The following PNMA8B variants were observed in gnomAD, a reference collection of about 807,000 sequenced individuals.
PNMA8B encodes paraneoplastic antigen-like protein 8B.
For missense variants in PNMA8B, 887 were observed against 885.8 expected (o/e 1.00, Z -0.02); for synonymous variants, 386 against 394.9 (o/e 0.98, Z 0.27).
In PNMA8B at chr19:46,494,946, T is replaced by G; in HGVS notation, c.520A>C (p.Thr174Pro). The change falls in exon 1 of 1, where the codon ACC becomes CCC. Residue 174 changes from threonine to proline, a missense_variant. Thr to Pro is a conservative substitution (Grantham distance 38). Coordinates refer to ENST00000599531, the MANE Select transcript of PNMA8B (RefSeq NM_020709.3). ...CGGCTTCTCTTCTTGCCCTTCTGGG[T>G]CAACCTGTTGCGTCTGGTTCTGTTT... is the stretch of plus-strand genomic sequence containing the variant. ...RRNRTRRNRL[T>P]QKGKKRSRGG... is the part of the protein sequence containing the mutation. The G allele has an allele frequency of 6.2e-7, 1 of 1,610,062 alleles. No individual in the cohort carries two copies. The highest frequency in any genetic ancestry group is 1.6e-4 in the Middle Eastern group (1 of 6,062).
At position 46,493,337 on chromosome 19, in the gene PNMA8B, C is replaced by T. The variant is rs563117791; in HGVS notation, c.*221G>A. Reference sequence around the variant, plus strand: ...TGCCTCGGGCGCCCACTTCTCTTTCCTCCTCCCATCCGGGCTTCCTCCGTC... The same window carrying T: ...TGCCTCGGGCGCCCACTTCTCTTTCTTCCTCCCATCCGGGCTTCCTCCGTC... On this transcript the variant is annotated 3_prime_UTR_variant, in exon 1 of 1. Coordinates refer to ENST00000599531, the MANE Select transcript of PNMA8B (RefSeq NM_020709.3). The surrounding 1 kb of genome is among the most constrained non-coding windows in gnomAD (Gnocchi z 5.3). 7.5e-6 allele frequency: 3 copies of T among 398,904 alleles called. No homozygotes were observed. The highest frequency in any genetic ancestry group is 1.3e-5 in the Non-Finnish European group (3 of 227,290). 24.7% of individuals were successfully genotyped at this position (398,904 alleles called of 1,614,324 possible). A position where few individuals can be genotyped will look rare whatever the true frequency, so the allele number is the denominator to read the frequency against.
Position 46,494,599 on chromosome 19 carries a change from G to A in PNMA8B, c.867C>T (p.Val289=). The A allele has an allele frequency of 6.2e-7, 1 of 1,614,026 alleles. No individual in the cohort carries two copies. Among genetic ancestry groups the A allele is most frequent in the Non-Finnish European group, 8.5e-7 (1 of 1,179,888 alleles). Residue 289 remains valine, a synonymous_variant, in exon 1 of 1, where the codon GTC becomes GTT. Transcript: ENST00000599531. ...CAGCCAGCAGGGCCACTAAGTCGGG[G>A]ACACCATTTTTGTCTTCTTTGGTGT... The part of the protein sequence containing the change: ...RLNTKEDKNG[V]PDLVALLAVR...
rs749025201 is a variant in PNMA8B at position 46,494,269 on chromosome 19, G to C, written c.1197C>G (p.Ala399=). ...KVEEAGREVD[A]VVLRKAGDDG... Reference sequence around the variant, plus strand: ...CATCCCCGGCCTTGCGCAGGACCACGGCGTCCACCTCGCGGCCCGCCTCTT... The same window carrying C: ...CATCCCCGGCCTTGCGCAGGACCACCGCGTCCACCTCGCGGCCCGCCTCTT... The change falls in exon 1 of 1, where the codon GCC becomes GCG. Residue 399 remains alanine, a synonymous_variant. Transcript: ENST00000599531. The C allele has an allele frequency of 1.2e-6, 2 of 1,610,142 alleles. No homozygotes were observed. Among genetic ancestry groups the C allele is most frequent in the South Asian group, 1.1e-5 (1 of 91,014 alleles).
rs545570021 is a variant in PNMA8B, at chr19:46,493,946, G to A, written c.1520C>T (p.Ser507Leu). The A allele has an allele frequency of 1.9e-6, 3 of 1,610,886 alleles. No homozygotes were observed. The highest frequency in any genetic ancestry group is 2.7e-5 in the African/African-American group (2 of 74,888). The change falls in exon 1 of 1, where the codon TCG becomes TTG. Residue 507 changes from serine to leucine, a missense_variant. By Grantham distance (145) the Ser-to-Leu change is moderately radical. Transcript: ENST00000599531. The surrounding 1 kb of genome is among the most constrained non-coding windows in gnomAD (Gnocchi z 5.3). ...CGACTCCTCCTCGGACTGTTCGTCC[G>A]AAGCCTCCTCCGACCCCTCGTTGGA... is the stretch of plus-strand genomic sequence containing the variant. ...MGSNEGSEEASDEQSEEESED... is the reference protein window; with the variant it reads ...MGSNEGSEEALDEQSEEESED...
In PNMA8B at chr19:46,494,953, G is replaced by T; in HGVS notation, c.513C>A (p.Asn171Lys). 1.2e-6 allele frequency: 2 copies of T among 1,609,624 alleles called. No individual in the cohort carries two copies. Among genetic ancestry groups the T allele is most frequent in the Non-Finnish European group, 1.7e-6 (2 of 1,179,828 alleles). Residue 171 changes from asparagine (N) to lysine (K), a missense_variant, in exon 1 of 1, where the codon AAC becomes AAA. Coordinates refer to ENST00000599531, the MANE Select transcript of PNMA8B (RefSeq NM_020709.3). ...RRGRRNRTRR[N>K]RLTQKGKKRS... ...TCTTCTTGCCCTTCTGGGTCAACCT[G>T]TTGCGTCTGGTTCTGTTTCTGCGAC... is the stretch of plus-strand genomic sequence containing the variant.
rs1299040000 is a variant in PNMA8B at position 46,495,119 on chromosome 19, G to A, written c.347C>T (p.Thr116Met). ...MRRLLLDDGP[T>M]QAAEAGTPGE... ...GGGGGTCCCAGCCTCCGCGGCCTGC[G>A]TGGGCCCGTCATCCAGCAGCAGGCG... The change falls in exon 1 of 1, where the codon ACG becomes ATG. Residue 116 changes from threonine (T) to methionine (M), a missense_variant. Physicochemically the swap from Thr to Met is moderately conservative, Grantham distance 81. Transcript: ENST00000599531. 1.2e-5 allele frequency: 19 copies of A among 1,613,688 alleles called. No homozygotes were observed. The highest frequency in any genetic ancestry group is 1.4e-5 in the Non-Finnish European group (17 of 1,179,834).
chr19:46,493,429 C>G lies in PNMA8B; in HGVS notation c.*129G>C. On this transcript the variant is annotated 3_prime_UTR_variant, in exon 1 of 1. Transcript: ENST00000599531. This position sits in a 1 kb window ranked among gnomAD's most constrained non-coding sequence, Gnocchi z 5.3. The stretch of plus-strand genomic sequence containing the variant: ...AACGTGACGCTGGCAAAACGCGGCC[C>G]GGGCGCGCTGTGAAGCGAGGAGATT... 5.2e-6 allele frequency: 3 copies of G among 580,572 alleles called. No individual in the cohort carries two copies. In the East Asian group the frequency reaches 1.1e-4, roughly 21 times the overall value. 36.0% of individuals were successfully genotyped at this position (580,572 alleles called of 1,614,324 possible).
Position 46,494,451 on chromosome 19 carries a change from T to C in PNMA8B, c.1015A>G (p.Thr339Ala), listed in dbSNP as rs1568617588. The C allele has an allele frequency of 7.4e-6, 12 of 1,613,990 alleles. No homozygotes were observed. The highest frequency in any genetic ancestry group is 2.2e-5 in the East Asian group (1 of 44,890). The change falls in exon 1 of 1, where the codon ACC becomes GCC. Residue 339 changes from threonine (T) to alanine (A), a missense_variant. Physicochemically the swap from Thr to Ala is moderately conservative, Grantham distance 58. Coordinates refer to ENST00000599531, the MANE Select transcript of PNMA8B (RefSeq NM_020709.3). ...NPEFVAIVAY[T>A]DPSDPWAREE... is the part of the protein sequence containing the mutation. ...CGGGCCCAGGGGTCCGACGGGTCGGTATAGGCCACAATGGCCACGAACTCA... is the reference window on the plus strand; with the variant it reads ...CGGGCCCAGGGGTCCGACGGGTCGGCATAGGCCACAATGGCCACGAACTCA...
At position 46,492,248 on chromosome 19, in the gene PNMA8B, TG is replaced by T. The variant is rs1484083112; in HGVS notation, c.*1309del. The T allele has an allele frequency of 2.8e-6, 1 of 359,870 alleles. No homozygotes were observed. Among genetic ancestry groups the T allele is most frequent in the Non-Finnish European group, 5.8e-6 (1 of 173,286 alleles). 22.3% of individuals were successfully genotyped at this position (359,870 alleles called of 1,614,324 possible). On this transcript the variant is annotated 3_prime_UTR_variant, in exon 1 of 1. Transcript: ENST00000599531. ...AATTGGGACGAGGAAGCACACACAT[TG>T]CCCCAGGGACAAGAAGGCATGAATG... is the stretch of plus-strand genomic sequence containing the variant.
rs770586191 is a variant in PNMA8B, at chr19:46,495,310, T to A, written c.156A>T (p.Arg52=). The A allele has an allele frequency of 1.5e-6, 2 of 1,360,808 alleles. No individual in the cohort carries two copies. Among genetic ancestry groups the A allele is most frequent in the Non-Finnish European group, 2.1e-6 (2 of 948,494 alleles). 84.3% of individuals were successfully genotyped at this position (1,360,808 alleles called of 1,614,324 possible). The change falls in exon 1 of 1, where the codon CGA becomes CGT. Residue 52 remains arginine, a synonymous_variant. Coordinates refer to ENST00000599531, the MANE Select transcript of PNMA8B (RefSeq NM_020709.3). ...TLLPLGTFRL[R]HMKALMNEKA... is the part of the protein sequence containing the mutation. ...TCTCGTTCATCAAAGCCTTCATGTG[T>A]CGCAACCTGAACGTGCCCAGGGGCA...
chr19:46,494,474 T>C lies in PNMA8B; in HGVS notation c.992A>G (p.Glu331Gly). The change falls in exon 1 of 1, where the codon GAG becomes GGG. Residue 331 changes from glutamate to glycine, a missense_variant. By Grantham distance (98) the Glu-to-Gly change is moderately conservative. Coordinates refer to ENST00000599531, the MANE Select transcript of PNMA8B (RefSeq NM_020709.3). ...DQETEELDNP[E>G]FVAIVAYTDP... ...GGTATAGGCCACAATGGCCACGAAC[T>C]CAGGATTATCCAACTCCTCTGTTTC... 6.2e-7 allele frequency: 1 copy of C among 1,614,020 alleles called. No homozygotes were observed. Among genetic ancestry groups the C allele is most frequent in the Non-Finnish European group, 8.5e-7 (1 of 1,179,900 alleles).
At position 46,495,191 on chromosome 19, in the gene PNMA8B, A is replaced by G. The variant is rs376115577; in HGVS notation, c.275T>C (p.Leu92Pro). 15 of 1,613,812 alleles carry G rather than the reference A, an allele frequency of 9.3e-6. No individual in the cohort carries two copies. Among genetic ancestry groups the G allele is most frequent in the Non-Finnish European group, 1.2e-5 (14 of 1,179,840 alleles). Residue 92 changes from leucine to proline, a missense_variant, in exon 1 of 1, where the codon CTG (leucine) becomes CCG (proline). By Grantham distance (98) the Leu-to-Pro change is moderately conservative. Coordinates refer to ENST00000599531, the MANE Select transcript of PNMA8B (RefSeq NM_020709.3). ...IPGKDGVWRV[L>P]WKDRAQDTRV... is the part of the protein sequence containing the mutation. ...CGTGTCCTGCGCACGGTCCTTCCAC[A>G]GAACCCTCCAGACCCCATCCTTGCC... is the stretch of plus-strand genomic sequence containing the variant.
In PNMA8B at chr19:46,494,716, G is replaced by A. The variant is rs1471671692; in HGVS notation, c.750C>T (p.Pro250=). ...PCNSEGEEDG[P]REFLALVTVT... is the part of the protein sequence containing the mutation. ...CGGTGACCAGAGCCAAGAACTCGCG[G>A]GGACCGTCTTCTTCCCCCTCGGAGT... The change falls in exon 1 of 1, where the codon CCC becomes CCT. Residue 250 remains proline (P), a synonymous_variant. Coordinates refer to ENST00000599531, the MANE Select transcript of PNMA8B (RefSeq NM_020709.3). 1.2e-6 allele frequency: 2 copies of A among 1,614,020 alleles called. No individual in the cohort carries two copies. The highest frequency in any genetic ancestry group is 1.1e-5 in the South Asian group (1 of 91,084).
rs1970083137 is a variant in PNMA8B at position 46,495,545 on chromosome 19, A to T, written c.-80T>A. 6.7e-7 allele frequency: 1 copy of T among 1,485,164 alleles called. No individual in the cohort carries two copies. Among genetic ancestry groups the T allele is most frequent in the Non-Finnish European group, 9.0e-7 (1 of 1,115,848 alleles). 92.0% of individuals were successfully genotyped at this position (1,485,164 alleles called of 1,614,324 possible). A position where few individuals can be genotyped will look rare whatever the true frequency, so the allele number is the denominator to read the frequency against. Reference sequence around the variant, plus strand: ...GGGCTGCAGCGCACGGTGTCAATGCAACCCTAGAAAGCCACTTGCAGGGCT... The same window carrying T: ...GGGCTGCAGCGCACGGTGTCAATGCTACCCTAGAAAGCCACTTGCAGGGCT... On this transcript the variant is annotated 5_prime_UTR_variant, in exon 1 of 1. Transcript: ENST00000599531.
chr19:46,494,569 T>A lies in PNMA8B; in HGVS notation c.897A>T (p.Arg299Ser). The A allele has an allele frequency of 1.2e-6, 2 of 1,614,066 alleles. No individual in the cohort carries two copies. The highest frequency in any genetic ancestry group is 1.7e-6 in the Non-Finnish European group (2 of 1,179,904). The change falls in exon 1 of 1, where the codon AGA (arginine) becomes AGT (serine). Residue 299 changes from arginine (R) to serine (S), a missense_variant. By Grantham distance (110) the Arg-to-Ser change is moderately radical. Coordinates refer to ENST00000599531, the MANE Select transcript of PNMA8B (RefSeq NM_020709.3). ...VPDLVALLAVRDTPDEEPVDS... is the reference protein window; with the variant it reads ...VPDLVALLAVSDTPDEEPVDS... ...CCACCGGCTCCTCGTCCGGGGTGTC[T>A]CTCACAGCCAGCAGGGCCACTAAGT...
rs903487938 is a variant in PNMA8B at position 46,495,300 on chromosome 19, C to A, written c.166G>T (p.Ala56Ser). The change falls in exon 1 of 1, where the codon GCT becomes TCT. Residue 56 changes from alanine (A) to serine (S), a missense_variant. Transcript: ENST00000599531. ...GCCTGGGCCTTCTCGTTCATCAAAG[C>A]CTTCATGTGTCGCAACCTGAACGTG... ...LGTFRLRHMK[A>S]LMNEKAQAAL... 1 of 1,412,700 alleles carries A rather than the reference C, an allele frequency of 7.1e-7. No homozygotes were observed. Among genetic ancestry groups the A allele is most frequent in the South Asian group, 1.1e-5 (1 of 87,210 alleles). The allele number at this position is 1,412,700 out of a possible 1,614,324, so 87.5% of individuals were successfully genotyped here.
At position 46,493,563 on chromosome 19, in the gene PNMA8B, G is replaced by A. The variant is rs745744100; in HGVS notation, c.1903C>T (p.Arg635Cys). The A allele has an allele frequency of 2.5e-5, 34 of 1,376,856 alleles. No homozygotes were observed. The highest frequency in any genetic ancestry group is 3.1e-5 in the Non-Finnish European group (33 of 1,069,180). 85.3% of individuals were successfully genotyped at this position (1,376,856 alleles called of 1,614,324 possible). Reference protein sequence around the residue: ...RRGRRLPPKCR With the variant: ...RRGRRLPPKCC ...GGCGGCTTCTTGGGGGGCCACTAGC[G>A]GCATTTAGGGGGCAGCCTCCGGCCC... Residue 635 changes from arginine to cysteine, a missense_variant, in exon 1 of 1, where the codon CGC becomes TGC. Physicochemically the swap from Arg to Cys is radical, Grantham distance 180. Transcript: ENST00000599531. This position sits in a 1 kb window ranked among gnomAD's most constrained non-coding sequence, Gnocchi z 5.3.
At position 46,493,535 on chromosome 19, in the gene PNMA8B, C is replaced by G. The variant is rs757286642; in HGVS notation, c.*23G>C. On this transcript the variant is annotated 3_prime_UTR_variant, in exon 1 of 1. Transcript: ENST00000599531. This position sits in a 1 kb window ranked among gnomAD's most constrained non-coding sequence, Gnocchi z 5.3. ...GTGCCCTGCGGGGCCTGCTCGCAGC[C>G]TGGGCGGCTTCTTGGGGGGCCACTA... 5 of 1,328,514 alleles carry G rather than the reference C, an allele frequency of 3.8e-6. No individual in the cohort carries two copies. In the South Asian group the frequency reaches 1.0e-4, roughly 27 times the overall value. 82.3% of individuals were successfully genotyped at this position (1,328,514 alleles called of 1,614,324 possible). A position where few individuals can be genotyped will look rare whatever the true frequency, so the allele number is the denominator to read the frequency against.
chr19:46,494,819 C>CCG lies in PNMA8B; in HGVS notation c.645_646dup (p.Gly216AlafsTer66), dbSNP rs1417238147. ...GTACAGCGCGCTCTGGTCCTCTTCT[C>CCG]CGCTCAGGTCGCCCTGGTCGATCTC... On this transcript the variant is annotated frameshift_variant, in exon 1 of 1. Coordinates refer to ENST00000599531, the MANE Select transcript of PNMA8B (RefSeq NM_020709.3). LOFTEE classifies it low-confidence loss of function (END_TRUNC). 1.9e-6 allele frequency: 3 copies of CCG among 1,613,590 alleles called. No individual in the cohort carries two copies. In the East Asian group the frequency reaches 6.7e-5, roughly 36 times the overall value.
Sources: allele counts gnomAD v4.1 joint callset, GRCh38; gene constraint gnomAD v4.1.1; non-coding constraint Gnocchi (gnomAD v3.1); transcripts MANE v1.5; gene names NCBI Gene and HGNC (gene_info 2026-07-23, HGNC 2026-07-21).